PDE11A: variants seen among roughly 807,000 people sequenced by gnomAD.
The protein encoded by PDE11A is dual 3',5'-cyclic-AMP and -GMP phosphodiesterase 11A.
In PDE11A, 100 loss-of-function variants were observed where a neutral mutation model predicts 100.5. The ratio of observed to expected loss-of-function variants is 1.00; its 90% CI spans 0.85 to 1.18. The LOEUF (loss-of-function observed/expected upper bound fraction) is 1.18. Ranked by LOEUF, PDE11A falls within the 50% of genes most tolerant of loss-of-function variation. PDE11A has a pLI of 0.00. For missense variants in PDE11A, 1,141 were observed against 1,152.6 expected (o/e 0.99, Z 0.15); for synonymous variants, 381 against 420.8 (o/e 0.91, Z 1.16).
intron 2 of PDE11A, among the ~76,000 whole-genome samples, chr2:177,980,677 C>T (rs777317466): frequency 3.3e-5 from 5 of 150,646 alleles, no homozygotes; most frequent in Non-Finnish European, 7.4e-5. Flanking sequence ...AGATTTTTCA[C>T]TCTGTTGCAC....
chr2:177,869,696 T>C (rs2695721), intron 5 of PDE11A, among the ~76,000 whole-genome samples: 148,289 of 152,234 alleles, frequency 0.97, 72,324 homozygotes, highest in Middle Eastern at 1. Flanking sequence ...ATCTTGGGGG[T>C]CAACATTCTG....
intron 2 of PDE11A, among the ~76,000 whole-genome samples, chr2:178,086,251 G>C (rs961448029): frequency 2.6e-5 from 4 of 152,150 alleles, no homozygotes; most frequent in Admixed American, 6.5e-5. Context: ...TAAGCTTCCA[G>C]GTCTTCTTAA....
At chr2:177,970,986 C>A (rs1239772918) in intron 2 of PDE11A, among the ~76,000 whole-genome samples, 2 of 152,144 alleles carry the variant, frequency 1.3e-5, no homozygotes, top group Non-Finnish European at 2.9e-5. Context: ...CTTATTGAGG[C>A]AAATGTACTT....
intron 13 of PDE11A, among the ~76,000 whole-genome samples, chr2:177,703,759 T>C (rs746245925): frequency 5.3e-5 from 8 of 152,036 alleles, no homozygotes; most frequent in Non-Finnish European, 8.8e-5. Flanking sequence ...GAATAAGGAA[T>C]GTTTTCTCCT....
At chr2:177,658,582 A>G (rs900213838) in intron 19 of PDE11A, among the ~76,000 whole-genome samples, 6 of 149,674 alleles carry the variant, frequency 4.0e-5, no homozygotes, top group Non-Finnish European at 8.9e-5. Flanking sequence ...TGAGTTATGT[A>G]TGATGCCATT....
chr2:177,992,124 C>CAATAATCTT lies in PDE11A; in HGVS notation c.1071+22177_1071+22178insAAGATTATT, dbSNP rs1486788134. 2.7e-5 allele frequency among the ~76,000 whole-genome samples: 4 copies of CAATAATCTT among 150,938 alleles called. No individual in the cohort carries two copies. In the South Asian group the frequency reaches 8.5e-4, roughly 32 times the overall value. On this transcript the variant is annotated intron_variant, in intron 2 of 19. Transcript: ENST00000286063. ...ACATCTCACATAATCTTAATAAAGACAGTAGAGATAAAAATAGCACCAAAA... is the reference window on the plus strand; with the variant it reads ...ACATCTCACATAATCTTAATAAAGACAATAATCTTAGTAGAGATAAAAATAGCACCAAAA...
chr2:177,770,929 C>A (rs1206991095), intron 9 of PDE11A, among the ~76,000 whole-genome samples: 1 of 152,168 alleles, frequency 6.6e-6, no homozygotes, highest in African/African-American at 2.4e-5. Flanking sequence ...TGAGCTCAAG[C>A]GATTCTCTCA....
chr2:177,906,696 T>C (rs1328577815), intron 2 of PDE11A, among the ~76,000 whole-genome samples: 1 of 152,174 alleles, frequency 6.6e-6, no homozygotes, highest in African/African-American at 2.4e-5. Context: ...TGTTACCCCC[T>C]ACTCTCCCCT....
At chr2:177,851,326 A>T (rs2083697393) in intron 5 of PDE11A, among the ~76,000 whole-genome samples, 1 of 152,066 alleles carries the variant, frequency 6.6e-6, no homozygotes, top group Non-Finnish European at 1.5e-5. Context: ...CATAGGTGGG[A>T]ATTGAACAAT....
chr2:177,945,425 G>T (rs2085399789), intron 2 of PDE11A, among the ~76,000 whole-genome samples: 1 of 140,884 alleles, frequency 7.1e-6, no homozygotes. Flanking sequence ...GAGCGTCTCT[G>T]CCCGGCCGCC....
intron 2 of PDE11A, among the ~76,000 whole-genome samples, chr2:177,989,594 G>GGTAAA (rs2085979136): frequency 6.6e-6 from 1 of 152,174 alleles, no homozygotes; most frequent in Non-Finnish European, 1.5e-5. Flanking sequence ...TGCAGTTAAT[G>GGTAAA]AATGTCCCAA....
At chr2:177,837,362 A>G (rs2083420600) in intron 6 of PDE11A, among the ~76,000 whole-genome samples, 1 of 152,190 alleles carries the variant, frequency 6.6e-6, no homozygotes, top group African/African-American at 2.4e-5. Context: ...CATCTTGTTT[A>G]CATCCTGGGG....
chr2:177,674,757 T>G (rs2080742009), intron 17 of PDE11A, among the ~76,000 whole-genome samples: 1 of 152,226 alleles, frequency 6.6e-6, no homozygotes, highest in Non-Finnish European at 1.5e-5. Context: ...AGTTATTTAT[T>G]GATATGGAAA....
chr2:177,806,417 C>T (rs971850762), intron 9 of PDE11A, among the ~76,000 whole-genome samples: 3 of 152,132 alleles, frequency 2.0e-5, no homozygotes, highest in African/African-American at 7.2e-5. Context: ...AAAGCTTCAG[C>T]CAATCCCCAG....
intron 10 of PDE11A, among the ~76,000 whole-genome samples, chr2:177,758,214 A>G (rs1335627973): frequency 1.3e-5 from 2 of 149,234 alleles, no homozygotes; most frequent in Non-Finnish European, 3.0e-5. Flanking sequence ...GGAGAATAGC[A>G]TGAACCCGGG....
chr2:177,796,401 C>CTGCA (rs1390176480), intron 9 of PDE11A, among the ~76,000 whole-genome samples: 1 of 152,172 alleles, frequency 6.6e-6, no homozygotes, highest in African/African-American at 2.4e-5. Flanking sequence ...TTGCCAGTAC[C>CTGCA]TGCATGGGCT....
Position 178,019,513 on chromosome 2 carries a change from T to C in PDE11A, c.913-5053A>G, listed in dbSNP as rs202235903. Among the ~76,000 whole-genome samples the C allele has an allele frequency of 1.1e-4, 16 of 152,278 alleles. No individual in the cohort carries two copies. The East Asian group carries it at 2.7e-3, about 26-fold the overall frequency. On this transcript the variant is annotated intron_variant, in intron 1 of 19. Transcript: ENST00000286063. ...ATAAAATGCTATATAATAAAACATA[T>C]TCGACTCTTTTATGTAAAAAAAGCC...
intron 5 of PDE11A, among the ~76,000 whole-genome samples, chr2:177,873,741 GAATGTCCTGTA>G (rs2105691999): frequency 6.6e-6 from 1 of 152,262 alleles, no homozygotes; most frequent in South Asian, 2.1e-4. Context: ...GATGTTTTAA[GAATGTCCTGTA>G]AATGAAGTTA....
At chr2:177,670,334 A>G (rs916896688) in intron 17 of PDE11A, among the ~76,000 whole-genome samples, 1 of 152,158 alleles carries the variant, frequency 6.6e-6, no homozygotes, top group Non-Finnish European at 1.5e-5. Flanking sequence ...CTTTTAATCC[A>G]TTAGCTTGGA....
Sources: gnomAD v4.1 joint callset for allele counts (sites outside exome capture counted in the v4.1 genomes callset) on GRCh38, gnomAD v4.1.1 for gene constraint, MANE v1.5 for transcripts, NCBI Gene and HGNC (gene_info 2026-07-23, HGNC 2026-07-21) for gene names.